The following ATOSA variants were observed in gnomAD, a reference collection of about 807,000 sequenced individuals.
ATOSA encodes the protein atos homolog protein A.
chr15:52,593,379 T>C, the ATOSA span: 1 of 531,816 alleles, frequency 1.9e-6, no homozygotes, highest in Admixed American at 3.6e-5. Flanking sequence ...ACATTTTTAG[T>C]ACCATCCTTA....
chr15:52,702,098 T>C, the ATOSA span, among the ~76,000 whole-genome samples: 1 of 152,024 alleles, frequency 6.6e-6, no homozygotes, highest in Non-Finnish European at 1.5e-5. Context: ...CGAATGGCTA[T>C]AAAAAAGTCA....
the ATOSA span, among the ~76,000 whole-genome samples, chr15:52,672,501 CA>C: frequency 0.87 from 127,518 of 146,516 alleles, 55,450 homozygotes; most frequent in East Asian, 0.95. Context: ...TTTCATTATC[CA>C]AAAAAAAAAA....
At chr15:52,656,250 A>G in the ATOSA span, 2 of 152,152 alleles carry the variant, frequency 1.3e-5, no homozygotes, top group African/African-American at 4.8e-5. Flanking sequence ...GAAAATACAG[A>G]AATTTATCAT....
the ATOSA span, chr15:52,593,324 C>T: frequency 2.6e-6 from 1 of 387,862 alleles, no homozygotes; most frequent in Admixed American, 4.3e-5. Context: ...ATTACAGTGT[C>T]ACTAATCAAT....
At chr15:52,610,278 A>G in the ATOSA span, 1 of 1,614,040 alleles carries the variant, frequency 6.2e-7, no homozygotes, top group South Asian at 1.1e-5. Context: ...AGGACTGAAC[A>G]CTGACTTTCA....
At chr15:52,630,370 T>G in the ATOSA span, among the ~76,000 whole-genome samples, 1 of 151,240 alleles carries the variant, frequency 6.6e-6, no homozygotes, top group Admixed American at 6.6e-5. Context: ...ACAAAGAAAA[T>G]ATTTGCAATG....
chr15:52,600,189 T>A, the ATOSA span: 1 of 1,612,470 alleles, frequency 6.2e-7, no homozygotes, highest in Non-Finnish European at 8.5e-7. Flanking sequence ...AAAAATGGTT[T>A]TTCATGAATA....
At chr15:52,608,759 G>A in the ATOSA span, 1 of 1,608,250 alleles carries the variant, frequency 6.2e-7, no homozygotes, top group Non-Finnish European at 8.5e-7. Flanking sequence ...CTATTAAGTT[G>A]AGTATTTTGC....
chr15:52,702,529 T>C, the ATOSA span, among the ~76,000 whole-genome samples: 1 of 152,134 alleles, frequency 6.6e-6, no homozygotes, highest in Admixed American at 6.6e-5. Context: ...ATACAACATG[T>C]TCTCACTTAT....
At chr15:52,609,183 A>C in the ATOSA span, 3 of 1,613,516 alleles carry the variant, frequency 1.9e-6, no homozygotes, top group Non-Finnish European at 2.5e-6. Context: ...GATGTTTCAA[A>C]GAACACTTTT....
chr15:52,594,479 G>C, the ATOSA span, among the ~76,000 whole-genome samples: 1 of 152,082 alleles, frequency 6.6e-6, no homozygotes, highest in Admixed American at 6.5e-5. Flanking sequence ...CATGAAATGT[G>C]AGTAGCATTC....
the ATOSA span, among the ~76,000 whole-genome samples, chr15:52,614,956 A>G: frequency 6.6e-6 from 1 of 152,226 alleles, no homozygotes; most frequent in Non-Finnish European, 1.5e-5. Context: ...TTTAGCTAAG[A>G]TGTTCTATTG....
At chr15:52,700,700 T>C in the ATOSA span, among the ~76,000 whole-genome samples, 8 of 152,218 alleles carry the variant, frequency 5.3e-5, no homozygotes, top group Non-Finnish European at 1.2e-4. Context: ...TTAAGCAGTA[T>C]GTTATTATTG....
the ATOSA span, chr15:52,593,646 G>A: frequency 6.4e-7 from 1 of 1,564,638 alleles, no homozygotes; most frequent in African/African-American, 1.4e-5. Context: ...AGAGTCAAAT[G>A]TGTGGGGCAG....
the ATOSA span, chr15:52,605,216 G>A: frequency 1.2e-6 from 2 of 1,610,150 alleles, no homozygotes; most frequent in Non-Finnish European, 1.7e-6. Context: ...TTATGTTTTC[G>A]CCACACATTT....
At chr15:52,630,146 CAT>C in the ATOSA span, among the ~76,000 whole-genome samples, 13 of 152,142 alleles carry the variant, frequency 8.5e-5, no homozygotes, top group African/African-American at 2.9e-4. Context: ...GTATTCCTCA[CAT>C]GTGTTCTACT....
At chr15:52,688,715 C>T in the ATOSA span, among the ~76,000 whole-genome samples, 1 of 152,120 alleles carries the variant, frequency 6.6e-6, no homozygotes, top group African/African-American at 2.4e-5. Flanking sequence ...TACTGAGAAG[C>T]CATCAGCCTG....
chr15:52,688,149 T>C, the ATOSA span, among the ~76,000 whole-genome samples: 1 of 152,250 alleles, frequency 6.6e-6, no homozygotes, highest in South Asian at 2.1e-4. Flanking sequence ...AATGGTTTGT[T>C]ATGCATCATT....
the ATOSA span, among the ~76,000 whole-genome samples, chr15:52,679,941 C>G: frequency 1.3e-5 from 2 of 151,232 alleles, no homozygotes; most frequent in Non-Finnish European, 2.9e-5. Context: ...GGCAGCTATG[C>G]GGGTCAGGGA....
Sources: gnomAD v4.1 joint callset for allele counts (sites outside exome capture counted in the v4.1 genomes callset) on GRCh38, gnomAD v4.1.1 for gene constraint, MANE v1.5 for transcripts, NCBI Gene and HGNC (gene_info 2026-07-23, HGNC 2026-07-21) for gene names.